APC: variants seen among roughly 807,000 people sequenced by gnomAD.
APC encodes APC regulator of Wnt signaling pathway.
Under a neutral mutation model 247.0 loss-of-function variants are expected in APC, and 72 were observed. The observed-to-expected ratio is 0.29, with a 90% confidence interval of 0.24 to 0.35. The LOEUF (loss-of-function observed/expected upper bound fraction) is 0.35. APC is among the 10% of genes least tolerant of loss of function. The pLI is 1.00. For synonymous variants in APC, 1,254 were observed against 1,162.5 expected (o/e 1.08, Z -1.60); for missense variants, 3,400 against 3,360.7 (o/e 1.01, Z -0.29).
At chr5:112,728,989 A>G (rs1244949796) in intron 1 of APC, among the ~76,000 whole-genome samples, 1 of 152,200 alleles carries the variant, frequency 6.6e-6, no homozygotes, top group Admixed American at 6.5e-5. Context: ...CTTGAAGTCT[A>G]GTTCTGTTAC....
At chr5:112,741,487 C>T (rs1363827744) in intron 1 of APC, among the ~76,000 whole-genome samples, 1 of 152,174 alleles carries the variant, frequency 6.6e-6, no homozygotes. Context: ...GGTAAGCCTT[C>T]TCCCCTTTAT....
intron 6 of APC, among the ~76,000 whole-genome samples, chr5:112,787,215 A>G (rs1759063536): frequency 6.6e-6 from 1 of 152,182 alleles, no homozygotes; most frequent in Non-Finnish European, 1.5e-5. Flanking sequence ...CAAGAAAGCA[A>G]CCATAGATAA....
chr5:112,752,125 T>C (rs1174480985), intron 1 of APC, among the ~76,000 whole-genome samples: 1 of 152,152 alleles, frequency 6.6e-6, no homozygotes, highest in Non-Finnish European at 1.5e-5. Context: ...GTTTTCAAAT[T>C]TGTTTGCATA....
intron 4 of APC, among the ~76,000 whole-genome samples, chr5:112,770,602 C>A (rs188855591): frequency 1.4e-4 from 21 of 152,160 alleles, no homozygotes; most frequent in Non-Finnish European, 3.1e-4. Flanking sequence ...TCTCACTGAT[C>A]ATTAGTATCA....
intron 7 of APC, among the ~76,000 whole-genome samples, chr5:112,795,755 A>G (rs150017103): frequency 9.8e-5 from 15 of 152,356 alleles, no homozygotes; most frequent in African/African-American, 3.6e-4. Context: ...CGTTTTTCTC[A>G]TGCACCCTTT....
chr5:112,764,206 A>G (rs1756003157), intron 2 of APC, among the ~76,000 whole-genome samples: 1 of 149,684 alleles, frequency 6.7e-6, no homozygotes, highest in Non-Finnish European at 1.5e-5. Context: ...AGATTGCGCC[A>G]CTGCTCTCCA....
chr5:112,820,418 G>A (rs369333524), intron 10 of APC, among the ~76,000 whole-genome samples: 1 of 152,182 alleles, frequency 6.6e-6, no homozygotes, highest in East Asian at 1.9e-4. Flanking sequence ...GGGAGGCTGA[G>A]ACAGGAGGAT....
intron 1 of APC, among the ~76,000 whole-genome samples, chr5:112,745,281 T>C (rs1753519315): frequency 6.6e-6 from 1 of 151,960 alleles, no homozygotes; most frequent in African/African-American, 2.4e-5. Context: ...AATGTATCAA[T>C]GACAATAAAA....
At chr5:112,781,481 C>G (rs558477555) in intron 6 of APC, among the ~76,000 whole-genome samples, 1 of 152,224 alleles carries the variant, frequency 6.6e-6, no homozygotes, top group Admixed American at 6.5e-5. Flanking sequence ...TGTTTTAAAG[C>G]CCTGAAGAGG....
At chr5:112,762,620 A>G (rs181763192) in intron 2 of APC, among the ~76,000 whole-genome samples, 61 of 152,362 alleles carry the variant, frequency 4.0e-4, no homozygotes, top group African/African-American at 1.4e-3. Flanking sequence ...GATTCCATTT[A>G]TATGAAGGTC....
chr5:112,821,472 C>T (rs1006553183), intron 10 of APC, among the ~76,000 whole-genome samples: 3 of 151,420 alleles, frequency 2.0e-5, no homozygotes, highest in Non-Finnish European at 4.4e-5. Context: ...TCATTCCACT[C>T]GAGCCTGGGC....
intron 2 of APC, among the ~76,000 whole-genome samples, chr5:112,763,955 C>A (rs1317694820): frequency 6.6e-6 from 1 of 151,908 alleles, no homozygotes; most frequent in Non-Finnish European, 1.5e-5. Flanking sequence ...GAGACCTGAT[C>A]GGCCGGGCGC....
chr5:112,736,434 G>A (rs367987727), upstream of APC, among the ~76,000 whole-genome samples: 34 of 152,274 alleles, frequency 2.2e-4, no homozygotes, highest in African/African-American at 6.7e-4. Context: ...CGAAAGGACA[G>A]CAGAAATAGC....
At chr5:112,793,105 A>G (rs1759823226) in intron 7 of APC, among the ~76,000 whole-genome samples, 1 of 152,110 alleles carries the variant, frequency 6.6e-6, no homozygotes, top group Non-Finnish European at 1.5e-5. Context: ...AAGCAGGAAG[A>G]TATTTGAAAA....
chr5:112,778,455 G>A (rs1381090068), intron 5 of APC: 25 of 144,326 alleles, frequency 1.7e-4, no homozygotes, highest in African/African-American at 2.6e-5. Flanking sequence ...AATTGATGAA[G>A]TATTCTATAT....
chr5:112,794,522 C>G (rs888967862), intron 7 of APC, among the ~76,000 whole-genome samples: 1 of 152,198 alleles, frequency 6.6e-6, no homozygotes, highest in Non-Finnish European at 1.5e-5. Flanking sequence ...AAGACAAAGT[C>G]AGTCACAAGA....
At chr5:112,812,961 T>G (rs1762134364) in intron 8 of APC, among the ~76,000 whole-genome samples, 1 of 152,088 alleles carries the variant, frequency 6.6e-6, no homozygotes, top group Non-Finnish European at 1.5e-5. Flanking sequence ...TACTAATTAG[T>G]TTTGTCCTAG....
intron 1 of APC, among the ~76,000 whole-genome samples, chr5:112,717,099 C>T (rs889974194): frequency 1.3e-5 from 2 of 152,096 alleles, no homozygotes; most frequent in African/African-American, 4.8e-5. Context: ...CAACCTCTGC[C>T]TTCCAGGTTA....
At chr5:112,774,811 G>A in intron 4 of APC, among the ~76,000 whole-genome samples, 1 of 151,980 alleles carries the variant, frequency 6.6e-6, no homozygotes, top group East Asian at 1.9e-4. Context: ...AAAAGTTGCA[G>A]GACAACATAC....
Sources: gnomAD v4.1 joint callset for allele counts (sites outside exome capture counted in the v4.1 genomes callset) on GRCh38, gnomAD v4.1.1 for gene constraint, MANE v1.5 for transcripts, NCBI Gene and HGNC (gene_info 2026-07-23, HGNC 2026-07-21) for gene names.